GPS2: variants seen among roughly 807,000 people sequenced by gnomAD.
The protein encoded by GPS2 is GPS-2.
GPS2 carries 22 observed loss-of-function variants against 48.1 expected under a neutral mutation model. The observed-to-expected ratio is 0.46, with a 90% CI of 0.33 to 0.65. The LOEUF is 0.65. GPS2 is among the 30% of genes least tolerant of loss of function. The pLI, the probability that GPS2 is intolerant of heterozygous loss-of-function variation, is 0.03. For missense variants in GPS2, 366 were observed against 406.8 expected, an observed-to-expected ratio of 0.90 and a Z score of 0.86; for synonymous variants, 202 against 142.5, an observed-to-expected ratio of 1.42 and a Z score of -2.98.
At chr17:7,312,892 A>T in intron 10 of GPS2, 53 bp from the exon 11 acceptor site, 1 of 1,545,126 alleles carries the variant, frequency 6.5e-7, no homozygotes, top group East Asian at 2.2e-5. Flanking sequence ...TCTCCCTTCC[A>T]CTTAATACCC....
chr17:7,315,355 G>A lies in GPS2; in HGVS notation c.-92C>T, dbSNP rs1046971278. The A allele has an allele frequency of 2.5e-6, 1 of 395,342 alleles. No homozygotes were observed. The highest frequency in any genetic ancestry group is 4.5e-6 in the Non-Finnish European group (1 of 224,438). The allele number at this position is 395,342 out of a possible 1,614,324, so 24.5% of individuals were successfully genotyped here. A position where few individuals can be genotyped will look rare whatever the true frequency, so the allele number is the denominator to read the frequency against. ...CCCGCCTTCTCTGCGCTTTCTCAGC[G>A]GCTCCGACGCGCCCTGGCCCCTGCG... On this transcript the variant is annotated 5_prime_UTR_variant, in exon 1 of 11. Transcript: ENST00000380728.
Position 7,314,320 on chromosome 17 carries a change from C to T in GPS2, c.288G>A (p.Glu96=), listed in dbSNP as rs1205614304. The T allele has an allele frequency of 1.9e-6, 3 of 1,614,178 alleles. No individual in the cohort carries two copies. Among genetic ancestry groups the T allele is most frequent in the Non-Finnish European group, 2.5e-6 (3 of 1,180,026 alleles). ...LFLQLKKVLH[E]EEKRRRKEQS... is the part of the protein sequence containing the mutation. ...GTTCCTTTCGCCTCCGTTTTTCTTC[C>T]TCATGTAAAACTTTCTTGAGCTGCA... Residue 96 remains glutamate (E), a synonymous_variant, in exon 4 of 11, where the codon GAG becomes GAA. Transcript: ENST00000380728.
In GPS2 at chr17:7,314,432, G is replaced by A. The variant is rs199845896; in HGVS notation, c.205-29C>T. 2.5e-5 allele frequency: 40 copies of A among 1,614,018 alleles called. No homozygotes were observed. In the East Asian group the frequency reaches 5.3e-4, roughly 22 times the overall value. On this transcript the variant is annotated intron_variant, in intron 3 of 10. Transcript: ENST00000380728. Reference sequence around the variant, plus strand: ...GGATGGGGTGGGAAAAGAAGATGAAGGCAGGGAGAGTCAAACGAAGAAATC... The same window carrying A: ...GGATGGGGTGGGAAAAGAAGATGAAAGCAGGGAGAGTCAAACGAAGAAATC...
chr17:7,312,895 T>G, intron 10 of GPS2, 56 bp from the exon 11 acceptor site: 1 of 1,538,478 alleles, frequency 6.5e-7, no homozygotes, highest in East Asian at 2.2e-5. Context: ...CCCTTCCACT[T>G]AATACCCTAC....
chr17:7,313,793 T>A, intron 6 of GPS2, 72 bp from the exon 7 acceptor site: 1 of 1,582,534 alleles, frequency 6.3e-7, no homozygotes, highest in Non-Finnish European at 8.7e-7. Flanking sequence ...TGTGTATCTG[T>A]ATGCCCCGTT....
In GPS2 at chr17:7,312,725, G is replaced by A; in HGVS notation, c.*31C>T. On this transcript the variant is annotated 3_prime_UTR_variant, in exon 11 of 11. Coordinates refer to ENST00000380728, the MANE Select transcript of GPS2 (RefSeq NM_004489.5). ...GATACCCTCACCCACGATGGGGTGGGGGGTGTGGTGTTGAAGATATAATCT... is the reference window on the plus strand; with the variant it reads ...GATACCCTCACCCACGATGGGGTGGAGGGTGTGGTGTTGAAGATATAATCT... 6.5e-7 allele frequency: 1 copy of A among 1,533,312 alleles called. No individual in the cohort carries two copies. The allele number at this position is 1,533,312 out of a possible 1,614,324, so 95.0% of individuals were successfully genotyped here. A position where few individuals can be genotyped will look rare whatever the true frequency, so the allele number is the denominator to read the frequency against.
rs1321324110 is a variant in GPS2, at chr17:7,312,684, C to T, written c.*72G>A. 5 of 1,211,118 alleles carry T rather than the reference C, an allele frequency of 4.1e-6. No individual in the cohort carries two copies. Among genetic ancestry groups the T allele is most frequent in the South Asian group, 2.4e-5 (2 of 82,586 alleles). 75.0% of individuals were successfully genotyped at this position (1,211,118 alleles called of 1,614,324 possible). On this transcript the variant is annotated 3_prime_UTR_variant, in exon 11 of 11. Coordinates refer to ENST00000380728, the MANE Select transcript of GPS2 (RefSeq NM_004489.5). ...GGCAGTGGCAGGTAGATTTTATTGG[C>T]CTGGGACACACAGGGGATACCCTCA...
rs762540705 is a variant in GPS2 at position 7,314,941 on chromosome 17, G to A, written c.94+18C>T. On this transcript the variant is annotated intron_variant, in intron 2 of 10. Coordinates refer to ENST00000380728, the MANE Select transcript of GPS2 (RefSeq NM_004489.5). Reference sequence around the variant, plus strand: ...GCCATTCTGGGCCGTGCGTCCCCCTGCTATGGCCCCGGCTCACCCTGCCGC... The same window carrying A: ...GCCATTCTGGGCCGTGCGTCCCCCTACTATGGCCCCGGCTCACCCTGCCGC... 6.4e-7 allele frequency: 1 copy of A among 1,563,412 alleles called. No homozygotes were observed. Among genetic ancestry groups the A allele is most frequent in the Non-Finnish European group, 8.7e-7 (1 of 1,154,322 alleles).
At chr17:7,314,827 C>G in intron 2 of GPS2, 132 bp downstream of exon 2, 2 of 1,306,682 alleles carry the variant, frequency 1.5e-6, no homozygotes, top group Non-Finnish European at 2.2e-6. Flanking sequence ...TTAAATCCCA[C>G]CACAACGGGG....
In GPS2 at chr17:7,313,472, G is replaced by A. The variant is rs2143010362; in HGVS notation, c.635-3C>T. ...CACTGCAGGGAATGCCGAAGGAGCTGAGAAAGGAAAAGACAGAGCCATTAA... is the reference window on the plus strand; with the variant it reads ...CACTGCAGGGAATGCCGAAGGAGCTAAGAAAGGAAAAGACAGAGCCATTAA... On this transcript the variant is annotated splice_polypyrimidine_tract_variant and splice_region_variant and intron_variant, in intron 7 of 10. Coordinates refer to ENST00000380728, the MANE Select transcript of GPS2 (RefSeq NM_004489.5). 3 of 1,614,140 alleles carry A rather than the reference G, an allele frequency of 1.9e-6. No individual in the cohort carries two copies. Among genetic ancestry groups the A allele is most frequent in the Non-Finnish European group, 2.5e-6 (3 of 1,179,972 alleles).
chr17:7,313,870 A>C, intron 6 of GPS2, 36 bp downstream of exon 6: 1 of 1,585,770 alleles, frequency 6.3e-7, no homozygotes, highest in Non-Finnish European at 8.7e-7. Context: ...GCATGGATGG[A>C]AGTACTAGGG....
chr17:7,314,627 C>G (rs569464551), intron 2 of GPS2, 30 bp from the exon 3 acceptor site: 48 of 1,613,540 alleles, frequency 3.0e-5, no homozygotes, highest in Non-Finnish European at 4.0e-5. Context: ...GAAGAAGAGG[C>G]AGGGTAGTGA....
intron 8 of GPS2, 28 bp downstream of exon 8, chr17:7,313,352 C>G: frequency 6.2e-7 from 1 of 1,612,094 alleles, no homozygotes; most frequent in Non-Finnish European, 8.5e-7. Flanking sequence ...GACCTGAGAG[C>G]TAGAGCTCCT....
At chr17:7,313,496 A>G (rs373549717) in intron 7 of GPS2, 27 bp from the exon 8 acceptor site, 30 of 1,613,518 alleles carry the variant, frequency 1.9e-5, no homozygotes, top group Non-Finnish European at 2.5e-5. Flanking sequence ...CAGAGCCATT[A>G]AAATCTTTTA....
rs771583507 is a variant in GPS2, at chr17:7,313,117, A to T, written c.812T>A (p.Leu271Gln). 16 of 1,598,416 alleles carry T rather than the reference A, an allele frequency of 1.0e-5. No individual in the cohort carries two copies. The highest frequency in any genetic ancestry group is 1.4e-5 in the Non-Finnish European group (16 of 1,169,146). Residue 271 changes from leucine (L) to glutamine (Q), a missense_variant, in exon 10 of 11, where the codon CTG (leucine) becomes CAG (glutamine). Physicochemically the swap from Leu to Gln is moderately radical, Grantham distance 113. Transcript: ENST00000380728. ...QQTGFSDSSS[L>Q]RPMHPQALHP... Reference sequence around the variant, plus strand: ...CAGAGCCTGGGGGTGCATGGGGCGCAGAGAGGACTGCAGAGAACAGAGTCA... The same window carrying T: ...CAGAGCCTGGGGGTGCATGGGGCGCTGAGAGGACTGCAGAGAACAGAGTCA...
chr17:7,314,214 A>G (rs2072906364), intron 4 of GPS2, 55 bp from the exon 5 acceptor site: 1 of 1,595,806 alleles, frequency 6.3e-7, no homozygotes, highest in Non-Finnish European at 8.6e-7. Flanking sequence ...CTCTTTTGCC[A>G]TTAAACACTG....
At chr17:7,314,905 G>A (rs2072917226) in intron 2 of GPS2, 54 bp downstream of exon 2, 2 of 1,534,666 alleles carry the variant, frequency 1.3e-6, no homozygotes, top group Non-Finnish European at 1.8e-6. Context: ...GGCCAGCCTT[G>A]AGGTACAGGA....
At chr17:7,312,940 A>G in intron 10 of GPS2, 89 bp downstream of exon 10, 1 of 1,466,866 alleles carries the variant, frequency 6.8e-7, no homozygotes, top group Middle Eastern at 1.7e-4. Flanking sequence ...GAAAAACCAG[A>G]TGATGTGGGC....
Position 7,313,036 on chromosome 17 carries a change from G to C in GPS2, c.893C>G (p.Ala298Gly), listed in dbSNP as rs773412928. Reference sequence around the variant, plus strand: ...TTCTATTACCATTCTTACCTTTCCTGCTGGCTGCATCTGCACAGGGAGCTG... The same window carrying C: ...TTCTATTACCATTCTTACCTTTCCTCCTGGCTGCATCTGCACAGGGAGCTG... ...SPQLPVQMQP[A>G]GKSGFAATSQ... The change falls in exon 10 of 11, where the codon GCA (alanine) becomes GGA (glycine). Residue 298 changes from alanine to glycine, a missense_variant. Ala to Gly is a moderately conservative substitution (Grantham distance 60, BLOSUM62 0). Coordinates refer to ENST00000380728, the MANE Select transcript of GPS2 (RefSeq NM_004489.5). 1 of 1,547,100 alleles carries C rather than the reference G, an allele frequency of 6.5e-7. No homozygotes were observed. Among genetic ancestry groups the C allele is most frequent in the Non-Finnish European group, 8.7e-7 (1 of 1,145,220 alleles).
Sources: allele counts gnomAD v4.1 joint callset, GRCh38; gene constraint gnomAD v4.1.1; transcripts MANE v1.5; gene names NCBI Gene and HGNC (gene_info 2026-07-23, HGNC 2026-07-21).